The following NEGR1 variants were observed in gnomAD, a reference collection of about 807,000 sequenced individuals.
NEGR1 encodes IgLON family member 4.
Under a neutral mutation model 40.9 loss-of-function variants are expected in NEGR1, and 10 were observed. The ratio of observed to expected loss-of-function variants is 0.24; its 90% CI spans 0.15 to 0.42. The LOEUF (loss-of-function observed/expected upper bound fraction) is 0.42, where lower values mean the gene tolerates loss of function less well. Among genes scored for constraint, NEGR1 ranks in the 10% least tolerant of loss-of-function variants. NEGR1 has a pLI of 1.00. For synonymous variants in NEGR1, 185 were observed against 166.8 expected (o/e 1.11, Z -0.84); for missense variants, 352 against 438.9 (o/e 0.80, Z 1.77).
At chr1:72,061,307 A>C (rs1373223590) in intron 1 of NEGR1, among the ~76,000 whole-genome samples, 4 of 151,808 alleles carry the variant, frequency 2.6e-5, no homozygotes, top group African/African-American at 9.7e-5. Flanking sequence ...ACACAATATC[A>C]TCTGTTTCAT....
At chr1:72,062,359 A>T (rs1647192744) in intron 1 of NEGR1, among the ~76,000 whole-genome samples, 1 of 152,004 alleles carries the variant, frequency 6.6e-6, no homozygotes, top group South Asian at 2.1e-4. Flanking sequence ...AATATTTACT[A>T]TGTACTTTTA....
chr1:71,608,247 T>C (rs1039587169), intron 5 of NEGR1, among the ~76,000 whole-genome samples: 1 of 152,210 alleles, frequency 6.6e-6, no homozygotes, highest in African/African-American at 2.4e-5. Context: ...CTTTCACAAG[T>C]GCATTTGATT....
At chr1:72,067,103 G>A (rs1182693846) in intron 1 of NEGR1, among the ~76,000 whole-genome samples, 1 of 152,016 alleles carries the variant, frequency 6.6e-6, no homozygotes, top group Non-Finnish European at 1.5e-5. Flanking sequence ...CTTTCTAGTT[G>A]TAGCAACATT....
intron 3 of NEGR1, among the ~76,000 whole-genome samples, chr1:71,710,031 C>T (rs1481159083): frequency 3.9e-5 from 6 of 152,092 alleles, no homozygotes; most frequent in African/African-American, 1.2e-4. Context: ...GGAGTTCAAA[C>T]AACTATATAG....
chr1:71,496,279 G>A (rs1646962525), intron 6 of NEGR1, among the ~76,000 whole-genome samples: 1 of 152,098 alleles, frequency 6.6e-6, no homozygotes, highest in African/African-American at 2.4e-5. Flanking sequence ...AAACCAGAAG[G>A]AATAGAGGAA....
At chr1:71,418,118 G>C (rs1646368573) in intron 6 of NEGR1, among the ~76,000 whole-genome samples, 1 of 145,138 alleles carries the variant, frequency 6.9e-6, no homozygotes, top group South Asian at 2.2e-4. Context: ...TGTTTTACTG[G>C]ATAGTAATGT....
At chr1:71,749,181 A>G (rs192382631) in intron 3 of NEGR1, among the ~76,000 whole-genome samples, 1 of 152,326 alleles carries the variant, frequency 6.6e-6, no homozygotes, top group Non-Finnish European at 1.5e-5. Flanking sequence ...ATGTTTAACT[A>G]AGAAAACACT....
At chr1:71,894,707 A>T (rs1660917077) in intron 2 of NEGR1, among the ~76,000 whole-genome samples, 1 of 152,238 alleles carries the variant, frequency 6.6e-6, no homozygotes, top group African/African-American at 2.4e-5. Context: ...ATCCTTCTTT[A>T]ACAAAACTTG....
intron 1 of NEGR1, among the ~76,000 whole-genome samples, chr1:72,019,365 G>A (rs1275235324): frequency 2.6e-5 from 4 of 152,116 alleles, no homozygotes; most frequent in Admixed American, 2.0e-4. Context: ...AAAATGCTCT[G>A]AAGTCTAAAG....
intron 1 of NEGR1, among the ~76,000 whole-genome samples, chr1:72,035,981 G>A (rs1020665252): frequency 2.6e-5 from 4 of 152,112 alleles, no homozygotes; most frequent in Admixed American, 6.5e-5. Flanking sequence ...ATCACAGATA[G>A]AGACATTTAG....
At chr1:72,259,099 T>C (rs1038603629) in intron 1 of NEGR1, among the ~76,000 whole-genome samples, 2 of 152,198 alleles carry the variant, frequency 1.3e-5, no homozygotes, top group African/African-American at 4.8e-5. Context: ...ATCTGAACTA[T>C]GACAAGACCA....
chr1:72,126,480 T>C (rs1375914524), intron 1 of NEGR1, among the ~76,000 whole-genome samples: 1 of 152,126 alleles, frequency 6.6e-6, no homozygotes, highest in Admixed American at 6.6e-5. Flanking sequence ...AATTTAATAT[T>C]TTTTGGCAGA....
Position 71,660,419 on chromosome 1 carries a change from C to T in NEGR1, c.667+37589G>A. On this transcript the variant is annotated intron_variant, in intron 4 of 6. Transcript: ENST00000357731. ...GTGATGAAATCATATGTACAACAAG[C>T]CCCTGTGACACGTGTTTACCTATAT... 1.3e-5 allele frequency among the ~76,000 whole-genome samples: 2 copies of T among 152,002 alleles called. 1 individual carries two copies. Among genetic ancestry groups the T allele is most frequent in the East Asian group, 3.9e-4 (2 of 5,184 alleles).
chr1:71,772,471 C>T (rs1656363994), intron 3 of NEGR1, among the ~76,000 whole-genome samples: 1 of 151,940 alleles, frequency 6.6e-6, no homozygotes, highest in Admixed American at 6.6e-5. Flanking sequence ...AGTAATGACA[C>T]TGAGAAATTA....
Position 71,536,741 on chromosome 1 carries a change from GAAGGACAAATGCACTCCTA to G in NEGR1, c.940+56057_940+56075del, listed in dbSNP as rs1484921693. Among the ~76,000 whole-genome samples, 3 of 151,642 alleles carry G rather than the reference GAAGGACAAATGCACTCCTA, an allele frequency of 2.0e-5. No homozygotes were observed. The East Asian group carries it at 5.9e-4, about 30-fold the overall frequency. ...TAGATCAAGATCTTAAAATTTTTGT[GAAGGACAAATGCACTCCTA>G]AAATGGGAATTTTGTGCCAAATTAC... On this transcript the variant is annotated intron_variant, in intron 6 of 6. Transcript: ENST00000357731.
At chr1:72,194,941 A>G (rs951891118) in intron 1 of NEGR1, among the ~76,000 whole-genome samples, 4 of 152,046 alleles carry the variant, frequency 2.6e-5, no homozygotes, top group African/African-American at 9.7e-5. Context: ...GGTGACTTAC[A>G]TATGCATACA....
intron 2 of NEGR1, among the ~76,000 whole-genome samples, chr1:71,783,038 A>T (rs1656772620): frequency 6.6e-6 from 1 of 151,872 alleles, no homozygotes; most frequent in Non-Finnish European, 1.5e-5. Context: ...AAATCAAGAG[A>T]ATTTGACTCT....
At chr1:71,750,548 T>TA (rs1655538646) in intron 3 of NEGR1, among the ~76,000 whole-genome samples, 1 of 152,140 alleles carries the variant, frequency 6.6e-6, no homozygotes, top group African/African-American at 2.4e-5. Flanking sequence ...AGTCACATCT[T>TA]ACATGGCAGG....
intron 1 of NEGR1, among the ~76,000 whole-genome samples, chr1:72,150,062 C>T (rs764675875): frequency 1.3e-5 from 2 of 152,062 alleles, no homozygotes; most frequent in South Asian, 2.1e-4. Context: ...ATCACTATTC[C>T]GAATCCCTTC....
Sources: allele counts gnomAD v4.1 joint callset (sites outside exome capture counted in the v4.1 genomes callset), GRCh38; gene constraint gnomAD v4.1.1; transcripts MANE v1.5; gene names NCBI Gene and HGNC (gene_info 2026-07-23, HGNC 2026-07-21).